The following LINGO2 variants were observed in gnomAD, a reference collection of about 807,000 sequenced individuals.
LINGO2 encodes the protein leucine-rich repeat and immunoglobulin-like domain-containing nogo receptor-interacting protein 2.
LINGO2 carries 14 observed loss-of-function variants against 30.6 expected under a neutral mutation model. The observed-to-expected ratio is 0.46, with a 90% CI of 0.30 to 0.72. LINGO2 has a LOEUF of 0.72. Among genes scored for constraint, LINGO2 ranks in the 30% least tolerant of loss-of-function variants. The probability of loss-of-function intolerance (pLI) is 0.07; values close to 1 mark genes in which losing one functional copy is unlikely to be tolerated. For synonymous variants in LINGO2, 317 were observed against 288.5 expected (o/e 1.10, Z -1.00); for missense variants, 729 against 751.7 (o/e 0.97, Z 0.35).
chr9:29,035,658 T>G, the LINGO2 span, among the ~76,000 whole-genome samples: 1 of 151,328 alleles, frequency 6.6e-6, no homozygotes, highest in Non-Finnish European at 1.5e-5. Flanking sequence ...AATATCTGAT[T>G]CATAAATGGG....
chr9:29,147,808 T>C, the LINGO2 span, among the ~76,000 whole-genome samples: 2,080 of 152,184 alleles, frequency 0.014, 54 homozygotes, highest in African/African-American at 0.047. Context: ...GTTCTTTTTA[T>C]TGAAACCACT....
At chr9:28,947,848 T>C in the LINGO2 span, among the ~76,000 whole-genome samples, 1 of 152,012 alleles carries the variant, frequency 6.6e-6, no homozygotes, top group African/African-American at 2.4e-5. Context: ...ACATGGATGC[T>C]CCAACTTCAT....
chr9:28,447,800 G>C (rs955755228), intron 2 of LINGO2, among the ~76,000 whole-genome samples: 8 of 152,114 alleles, frequency 5.3e-5, no homozygotes, highest in Non-Finnish European at 1.2e-4. Context: ...TTACTTGCTT[G>C]ATATAGGAAC....
At chr9:28,814,273 C>T in the LINGO2 span, among the ~76,000 whole-genome samples, 4 of 152,232 alleles carry the variant, frequency 2.6e-5, no homozygotes, top group Admixed American at 1.3e-4. Context: ...CCTGTCTCTA[C>T]TAAAAATACA....
intron 1 of LINGO2, among the ~76,000 whole-genome samples, chr9:28,659,864 T>C (rs1828517581): frequency 6.6e-6 from 1 of 152,116 alleles, no homozygotes; most frequent in African/African-American, 2.4e-5. Context: ...AAAATGGCTT[T>C]CAATGAGGAG....
At chr9:28,726,809 T>C in the LINGO2 span, among the ~76,000 whole-genome samples, 7 of 152,212 alleles carry the variant, frequency 4.6e-5, no homozygotes, top group Non-Finnish European at 4.4e-5. Flanking sequence ...GTTGGAACAA[T>C]AGGAAAGTCA....
At chr9:28,281,641 A>C (rs1240113545) in intron 4 of LINGO2, among the ~76,000 whole-genome samples, 19 of 152,112 alleles carry the variant, frequency 1.2e-4, no homozygotes, top group Non-Finnish European at 4.4e-5. Context: ...TAAGATGTTT[A>C]TATAGTCTAG....
chr9:28,718,814 G>C, the LINGO2 span, among the ~76,000 whole-genome samples: 1 of 151,910 alleles, frequency 6.6e-6, no homozygotes, highest in African/African-American at 2.4e-5. Context: ...GGTTTTTTCT[G>C]TACTTCCCCT....
At chr9:28,030,340 T>C (rs1823604735) in intron 4 of LINGO2, among the ~76,000 whole-genome samples, 1 of 152,194 alleles carries the variant, frequency 6.6e-6, no homozygotes, top group South Asian at 2.1e-4. Flanking sequence ...TTTATCACAA[T>C]GTAGTTTTTA....
the LINGO2 span, among the ~76,000 whole-genome samples, chr9:28,786,232 C>T: frequency 4.6e-5 from 7 of 152,034 alleles, no homozygotes; most frequent in Admixed American, 1.3e-4. Flanking sequence ...CTTTCTAATG[C>T]TACTAATAAA....
Position 28,307,391 on chromosome 9 carries a change from A to G in LINGO2, c.-245-12025T>C, listed in dbSNP as rs1411403725. On this transcript the variant is annotated intron_variant, in intron 3 of 5. Transcript: ENST00000379992. ...ACAAAATTCAACAACCCTTCATGCT[A>G]AAAACTCTCAATAAATTAGGTATTG... is the stretch of plus-strand genomic sequence containing the variant. Among the ~76,000 whole-genome samples, 3 of 152,212 alleles carry G rather than the reference A, an allele frequency of 2.0e-5. No individual in the cohort carries two copies. The South Asian group carries it at 6.2e-4, about 31-fold the overall frequency.
the LINGO2 span, among the ~76,000 whole-genome samples, chr9:28,832,339 T>A: frequency 6.6e-6 from 1 of 152,220 alleles, no homozygotes; most frequent in Admixed American, 6.5e-5. Flanking sequence ...GCTTTTACAA[T>A]TTGTTACAAA....
chr9:28,349,745 G>C (rs1311739485), intron 3 of LINGO2, among the ~76,000 whole-genome samples: 1 of 149,682 alleles, frequency 6.7e-6, no homozygotes, highest in Non-Finnish European at 1.5e-5. Flanking sequence ...AGGGCAGCCA[G>C]AGAGAAAGGT....
chr9:28,432,236 T>A (rs988866082), intron 2 of LINGO2, among the ~76,000 whole-genome samples: 1 of 151,910 alleles, frequency 6.6e-6, no homozygotes, highest in Non-Finnish European at 1.5e-5. Flanking sequence ...ACAATGACTA[T>A]TGGGGGAGAT....
chr9:28,016,630 C>A (rs1331167660), intron 4 of LINGO2, among the ~76,000 whole-genome samples: 1 of 140,100 alleles, frequency 7.1e-6, no homozygotes, highest in Non-Finnish European at 1.5e-5. Flanking sequence ...AAGACTGAAC[C>A]AGGAAGACAC....
chr9:28,605,338 C>G (rs900007042), intron 1 of LINGO2, among the ~76,000 whole-genome samples: 1 of 151,738 alleles, frequency 6.6e-6, no homozygotes, highest in African/African-American at 2.4e-5. Context: ...TCTGTTGTTT[C>G]ACTTTATTTC....
the LINGO2 span, among the ~76,000 whole-genome samples, chr9:28,751,091 C>A: frequency 6.6e-6 from 1 of 151,570 alleles, no homozygotes; most frequent in East Asian, 1.9e-4. Flanking sequence ...ATAGTGAGAT[C>A]CAATCTCTAC....
chr9:28,767,660 C>A, the LINGO2 span, among the ~76,000 whole-genome samples: 1 of 151,824 alleles, frequency 6.6e-6, no homozygotes, highest in Middle Eastern at 3.2e-3. Flanking sequence ...GTGGTGGGTG[C>A]CTGTAGTCCC....
chr9:28,610,446 A>G (rs1825867777), intron 1 of LINGO2, among the ~76,000 whole-genome samples: 1 of 152,142 alleles, frequency 6.6e-6, no homozygotes, highest in Non-Finnish European at 1.5e-5. Flanking sequence ...ATGTACTAAT[A>G]TTAGGAGGTG....
Sources: allele counts gnomAD v4.1 joint callset (sites outside exome capture counted in the v4.1 genomes callset), GRCh38; gene constraint gnomAD v4.1.1; transcripts MANE v1.5; gene names NCBI Gene and HGNC (gene_info 2026-07-23, HGNC 2026-07-21).